Variants in CCBE1 observed in about 807,000 individuals in gnomAD.
CCBE1 encodes the protein collagen and calcium-binding EGF domain-containing protein 1.
Under a neutral mutation model 50.0 loss-of-function variants are expected in CCBE1, and 37 were observed. The observed-to-expected ratio is 0.74, with a 90% confidence interval of 0.57 to 0.97. The LOEUF is 0.97. Among genes scored for constraint, CCBE1 ranks in the 50% least tolerant of loss-of-function variants. The pLI is 0.00. For synonymous variants in CCBE1, 234 were observed against 203.7 expected, an observed-to-expected ratio of 1.15 and a Z score of -1.27; for missense variants, 538 against 523.8, an observed-to-expected ratio of 1.03 and a Z score of -0.26.
intron 4 of CCBE1, among the ~76,000 whole-genome samples, chr18:59,468,833 C>T (rs942500960): frequency 5.6e-5 from 6 of 107,214 alleles, no homozygotes; most frequent in African/African-American, 2.1e-4. Flanking sequence ...GGAGAAAAGG[C>T]CAGGTTTTTT....
chr18:59,652,685 C>G (rs1027441975), intron 2 of CCBE1, among the ~76,000 whole-genome samples: 1 of 152,210 alleles, frequency 6.6e-6, no homozygotes, highest in Non-Finnish European at 1.5e-5. Context: ...GGATTTTCGG[C>G]CGGGCGCAGT....
chr18:59,621,702 A>C (rs150324276), intron 2 of CCBE1, among the ~76,000 whole-genome samples: 4 of 152,150 alleles, frequency 2.6e-5, no homozygotes, highest in African/African-American at 9.6e-5. Flanking sequence ...TATCTCTCCG[A>C]CTCTGAAGCC....
At chr18:59,552,614 G>A (rs983958207) in intron 2 of CCBE1, among the ~76,000 whole-genome samples, 1 of 152,114 alleles carries the variant, frequency 6.6e-6, no homozygotes, top group South Asian at 2.1e-4. Flanking sequence ...TTCCCACATC[G>A]TTTTTCTATC....
At chr18:59,690,806 G>A (rs1322336213) in intron 2 of CCBE1, among the ~76,000 whole-genome samples, 1 of 152,214 alleles carries the variant, frequency 6.6e-6, no homozygotes, top group African/African-American at 2.4e-5. Context: ...GGGAAGGCGG[G>A]GGACCCCCTT....
rs368261420 is a variant in CCBE1, at chr18:59,435,891, G to T, written c.*17C>A. 6.2e-6 allele frequency: 10 copies of T among 1,601,250 alleles called. No homozygotes were observed. In the African/African-American group the frequency reaches 1.3e-4, roughly 21 times the overall value. On this transcript the variant is annotated 3_prime_UTR_variant, in exon 11 of 11. Transcript: ENST00000439986. The stretch of plus-strand genomic sequence containing the variant: ...GTTGATCTTTCTCTTCCTTTGGCGT[G>T]ACGGTGTTGGGATGTGCTATGGGTA...
chr18:59,690,911 T>C (rs528606247), intron 2 of CCBE1, among the ~76,000 whole-genome samples: 34 of 152,330 alleles, frequency 2.2e-4, no homozygotes, highest in African/African-American at 7.9e-4. Context: ...TTATTTAAGA[T>C]GGCAAGTTCA....
At chr18:59,490,199 C>T (rs998836073) in intron 2 of CCBE1, among the ~76,000 whole-genome samples, 6 of 151,842 alleles carry the variant, frequency 4.0e-5, no homozygotes, top group South Asian at 4.2e-4. Context: ...TGGGCAGGCT[C>T]GTCTCGAACT....
intron 2 of CCBE1, among the ~76,000 whole-genome samples, chr18:59,494,270 T>G (rs2143816229): frequency 6.6e-6 from 1 of 152,322 alleles, no homozygotes; most frequent in South Asian, 2.1e-4. Flanking sequence ...CTACCAGCCC[T>G]GCCCCTCCAG....
intron 2 of CCBE1, among the ~76,000 whole-genome samples, chr18:59,523,452 C>A (rs1914691279): frequency 6.6e-6 from 1 of 151,682 alleles, no homozygotes; most frequent in Non-Finnish European, 1.5e-5. Flanking sequence ...ATTTCTTCAA[C>A]TGTATAACAG....
chr18:59,662,156 A>G (rs2054294867), intron 2 of CCBE1, among the ~76,000 whole-genome samples: 1 of 152,218 alleles, frequency 6.6e-6, no homozygotes, highest in South Asian at 2.1e-4. Context: ...ATCACCACCA[A>G]TAACAAAAAC....
At chr18:59,468,837 G>GTT (rs57118468) in intron 4 of CCBE1, among the ~76,000 whole-genome samples, 133 of 124,056 alleles carry the variant, frequency 1.1e-3, no homozygotes, top group African/African-American at 2.7e-3. Context: ...AAAAGGCCAG[G>GTT]TTTTTTTTTT....
At chr18:59,664,602 G>C (rs1045745728) in intron 2 of CCBE1, among the ~76,000 whole-genome samples, 1 of 152,076 alleles carries the variant, frequency 6.6e-6, no homozygotes, top group Non-Finnish European at 1.5e-5. Flanking sequence ...ATGTCCACTC[G>C]TAGCCCTTTA....
chr18:59,576,685 G>T (rs2053002177), intron 2 of CCBE1, among the ~76,000 whole-genome samples: 1 of 152,138 alleles, frequency 6.6e-6, no homozygotes, highest in African/African-American at 2.4e-5. Flanking sequence ...ACCCAGCCAT[G>T]CCCCGTCTAC....
At chr18:59,480,295 C>G in intron 2 of CCBE1, 57 bp from the exon 3 acceptor site, 2 of 1,302,096 alleles carry the variant, frequency 1.5e-6, no homozygotes, top group Admixed American at 3.4e-5. Context: ...AAAATTCTTT[C>G]CAGTTATTGT....
rs1283874169 is a variant in CCBE1, at chr18:59,638,849, A to G, written c.212+57780T>C. On this transcript the variant is annotated intron_variant, in intron 2 of 10. Transcript: ENST00000439986. The stretch of plus-strand genomic sequence containing the variant: ...GTCTAGCAAAAGACATGCTTTTTAC[A>G]GAAAAATTAGAACATTTCATAAAAA... Among the ~76,000 whole-genome samples, 3 of 152,366 alleles carry G rather than the reference A, an allele frequency of 2.0e-5. No homozygotes were observed. In the East Asian group the frequency reaches 5.8e-4, roughly 29 times the overall value.
intron 2 of CCBE1, among the ~76,000 whole-genome samples, chr18:59,689,557 G>C (rs565967370): frequency 6.6e-6 from 1 of 152,280 alleles, no homozygotes; most frequent in African/African-American, 2.4e-5. Context: ...GTTTCAAGCT[G>C]GAAACTAACT....
At chr18:59,614,592 C>T (rs1451785033) in intron 2 of CCBE1, among the ~76,000 whole-genome samples, 2 of 152,160 alleles carry the variant, frequency 1.3e-5, no homozygotes, top group Non-Finnish European at 2.9e-5. Flanking sequence ...CATGCTATGG[C>T]GGCTAGTCAA....
chr18:59,605,053 A>G (rs566250827), intron 2 of CCBE1, among the ~76,000 whole-genome samples: 3 of 152,296 alleles, frequency 2.0e-5, no homozygotes, highest in Admixed American at 6.5e-5. Context: ...TCATGAGAGC[A>G]TGTTCTGGCC....
intron 2 of CCBE1, among the ~76,000 whole-genome samples, chr18:59,603,705 T>C (rs2053461200): frequency 6.6e-6 from 1 of 152,240 alleles, no homozygotes; most frequent in Admixed American, 6.5e-5. Context: ...AACCTTCCCT[T>C]ATCTTTCTAT....
Sources: gnomAD v4.1 joint callset for allele counts (sites outside exome capture counted in the v4.1 genomes callset) on GRCh38, gnomAD v4.1.1 for gene constraint, MANE v1.5 for transcripts, NCBI Gene and HGNC (gene_info 2026-07-23, HGNC 2026-07-21) for gene names.